Variants in PCDHGB2 observed in about 807,000 individuals in gnomAD.
The protein encoded by PCDHGB2 is protocadherin gamma subfamily B, 2.
Under a neutral mutation model 59.3 loss-of-function variants are expected in PCDHGB2, and 55 were observed. The observed-to-expected ratio is 0.93, with a 90% CI of 0.75 to 1.16. PCDHGB2 has a LOEUF of 1.16. Ranked by LOEUF, PCDHGB2 falls within the 50% of genes most tolerant of loss-of-function variation. PCDHGB2 has a pLI of 0.00. For missense variants in PCDHGB2, 1,228 were observed against 1,198.5 expected (o/e 1.02, Z -0.36); for synonymous variants, 516 against 512.0 (o/e 1.01, Z -0.11).
chr5:141,409,304 C>T, intron 1 of PCDHGB2: 2 of 1,613,954 alleles, frequency 1.2e-6, no homozygotes, highest in Non-Finnish European at 1.7e-6. Flanking sequence ...GGTTGTTGCC[C>T]TCTTCAAAAC....
At chr5:141,471,495 T>A (rs539663010) in intron 1 of PCDHGB2, 1 of 152,318 alleles carries the variant, frequency 6.6e-6, no homozygotes, top group East Asian at 1.9e-4. Flanking sequence ...ATTTAGGGAA[T>A]GCAAGAGAGG....
chr5:141,492,079 G>C (rs1400390407), intron 1 of PCDHGB2: 3 of 486,286 alleles, frequency 6.2e-6, no homozygotes, highest in South Asian at 4.1e-5. Flanking sequence ...CGCCGGCTCC[G>C]GCACGCTTCG....
chr5:141,363,284 T>G (rs1762866895), intron 1 of PCDHGB2, among the ~76,000 whole-genome samples: 1 of 152,272 alleles, frequency 6.6e-6, no homozygotes, highest in Non-Finnish European at 1.5e-5. Flanking sequence ...AATTTCCTAA[T>G]TATATAGAAT....
At chr5:141,389,609 G>A (rs1188923316) in intron 1 of PCDHGB2, 3 of 1,612,966 alleles carry the variant, frequency 1.9e-6, no homozygotes, top group South Asian at 2.2e-5. Flanking sequence ...TCTTCGATAT[G>A]GTGCCGCACG....
At chr5:141,409,435 C>T in intron 1 of PCDHGB2, 2 of 1,613,994 alleles carry the variant, frequency 1.2e-6, no homozygotes, top group Non-Finnish European at 1.7e-6. Context: ...GAGCCCTGGA[C>T]CGAGAGCAGA....
intron 1 of PCDHGB2, among the ~76,000 whole-genome samples, chr5:141,453,679 T>C (rs960698192): frequency 2.0e-5 from 3 of 152,230 alleles, no homozygotes; most frequent in Non-Finnish European, 2.9e-5. Context: ...GGTAACACAC[T>C]ATGTAGGTAG....
intron 1 of PCDHGB2, chr5:141,389,509 C>T: frequency 6.2e-7 from 1 of 1,613,118 alleles, no homozygotes; most frequent in Non-Finnish European, 8.5e-7. Flanking sequence ...GCGCTCAGCG[C>T]GAACGTGAGC....
intron 1 of PCDHGB2, among the ~76,000 whole-genome samples, chr5:141,435,395 C>T (rs946113643): frequency 5.3e-5 from 8 of 152,198 alleles, no homozygotes; most frequent in East Asian, 3.9e-4. Context: ...ATTGCCATGA[C>T]GAAAAATGGT....
chr5:141,456,973 A>G (rs1276476368), intron 1 of PCDHGB2, among the ~76,000 whole-genome samples: 2 of 147,412 alleles, frequency 1.4e-5, no homozygotes, highest in Admixed American at 6.7e-5. Flanking sequence ...AAAACAAAAC[A>G]AACAAACAAA....
At chr5:141,387,386 A>G (rs1451460616) in intron 1 of PCDHGB2, among the ~76,000 whole-genome samples, 14 of 152,232 alleles carry the variant, frequency 9.2e-5, no homozygotes, top group Non-Finnish European at 1.5e-5. Flanking sequence ...TTATATAGAT[A>G]GTGCATGTTT....
chr5:141,428,587 G>C (rs914718913), intron 1 of PCDHGB2: 6 of 226,650 alleles, frequency 2.6e-5, no homozygotes, highest in Non-Finnish European at 5.3e-5. Flanking sequence ...AGTTTCTCTG[G>C]TAGCAAGCTT....
chr5:141,393,899 C>T, intron 1 of PCDHGB2: 1 of 1,613,932 alleles, frequency 6.2e-7, no homozygotes, highest in Non-Finnish European at 8.5e-7. Context: ...ATTCTCTTCC[C>T]GGGACAGTAA....
At chr5:141,400,776 GT>G (rs1167512157) in intron 1 of PCDHGB2, 17 of 557,594 alleles carry the variant, frequency 3.0e-5, no homozygotes, top group East Asian at 1.8e-4. Flanking sequence ...CATTTGGTGC[GT>G]TTTTTTGTCC....
rs140459920 is a variant in PCDHGB2, at chr5:141,386,998, C to T, written c.2421+24442C>T. ...TGTGTTTTGAGGCTATGTATTATCCCCCTGATAACTTTGAAGATGAATGTT... is the reference window on the plus strand; with the variant it reads ...TGTGTTTTGAGGCTATGTATTATCCTCCTGATAACTTTGAAGATGAATGTT... On this transcript the variant is annotated intron_variant, in intron 1 of 3. Coordinates refer to ENST00000522605, the MANE Select transcript of PCDHGB2 (RefSeq NM_018923.3). Among the ~76,000 whole-genome samples, 1,144 of 152,176 alleles carry T rather than the reference C, an allele frequency of 7.5e-3. 3 individuals are homozygous for T. The highest frequency in any genetic ancestry group is 0.012 in the Non-Finnish European group (791 of 68,006).
chr5:141,480,694 G>A (rs1446014656), intron 1 of PCDHGB2, among the ~76,000 whole-genome samples: 1 of 152,128 alleles, frequency 6.6e-6, no homozygotes, highest in Non-Finnish European at 1.5e-5. Flanking sequence ...TGAAACCCAG[G>A]CCACACCCCG....
intron 1 of PCDHGB2, among the ~76,000 whole-genome samples, chr5:141,451,854 C>T (rs1243479409): frequency 6.6e-6 from 1 of 152,058 alleles, no homozygotes; most frequent in Non-Finnish European, 1.5e-5. Flanking sequence ...CCACTCCAGC[C>T]TAGGCCACAG....
intron 1 of PCDHGB2, chr5:141,389,907 G>T (rs779604388): frequency 6.2e-7 from 1 of 1,614,082 alleles, no homozygotes; most frequent in Non-Finnish European, 8.5e-7. Context: ...GGATATCACT[G>T]ACCGCCCCGA....
At chr5:141,366,466 G>A in intron 1 of PCDHGB2, 1 of 1,614,228 alleles carries the variant, frequency 6.2e-7, no homozygotes, top group Non-Finnish European at 8.5e-7. Context: ...TCGTGCTGCT[G>A]GTGCTCAGAC....
At chr5:141,400,903 T>C (rs1489476752) in intron 1 of PCDHGB2, among the ~76,000 whole-genome samples, 1 of 152,258 alleles carries the variant, frequency 6.6e-6, no homozygotes, top group Non-Finnish European at 1.5e-5. Flanking sequence ...TTAATTCATC[T>C]TTTAAAGCAA....
Sources: gnomAD v4.1 joint callset for allele counts (sites outside exome capture counted in the v4.1 genomes callset) on GRCh38, gnomAD v4.1.1 for gene constraint, MANE v1.5 for transcripts, NCBI Gene and HGNC (gene_info 2026-07-23, HGNC 2026-07-21) for gene names.